The following ARL2BP variants were observed in gnomAD, a reference collection of about 807,000 sequenced individuals.
The protein encoded by ARL2BP is ADP-ribosylation factor-like protein 2-binding protein.
A neutral mutation model predicts 24.2 loss-of-function variants in ARL2BP; 19 were observed. The observed-to-expected ratio is 0.79, with a 90% CI of 0.55 to 1.15. The LOEUF (loss-of-function observed/expected upper bound fraction) is 1.15. Among genes scored for constraint, ARL2BP ranks in the 50% most tolerant of loss-of-function variants. The probability of loss-of-function intolerance (pLI) is 0.00; values close to 1 mark genes in which losing one functional copy is unlikely to be tolerated. For missense variants in ARL2BP, 160 were observed against 190.4 expected (o/e 0.84, Z 0.94); for synonymous variants, 56 against 70.5 (o/e 0.79, Z 1.03).
In ARL2BP at chr16:57,252,450, CCTT is replaced by C. The variant is rs2075411482; in HGVS notation, c.*187_*189del. The stretch of plus-strand genomic sequence containing the variant: ...TCCTGGACCTATTTATCCTGAAACA[CCTT>C]CTTGTATTCATTAACCATAGTACTC... On this transcript the variant is annotated 3_prime_UTR_variant, in exon 6 of 6. Transcript: ENST00000219204. The C allele has an allele frequency of 1.8e-6, 2 of 1,097,526 alleles. No individual in the cohort carries two copies. Among genetic ancestry groups the C allele is most frequent in the South Asian group, 1.5e-5 (1 of 64,782 alleles). 68.0% of individuals were successfully genotyped at this position (1,097,526 alleles called of 1,614,324 possible).
In ARL2BP at chr16:57,250,573, G is replaced by T. The variant is rs77995854; in HGVS notation, c.390+66G>T. On this transcript the variant is annotated intron_variant, in intron 5 of 5. Transcript: ENST00000219204. ...TTAGAAAATTCCAGGTAGAAATACC[G>T]AACATGAACCTCCCACGCTTCCCCC... is the stretch of plus-strand genomic sequence containing the variant. 1,238 of 1,303,350 alleles carry T rather than the reference G, an allele frequency of 9.5e-4. 11 individuals carry two copies. The African/African-American group carries it at 0.016, about 17-fold the overall frequency. 80.7% of individuals were successfully genotyped at this position (1,303,350 alleles called of 1,614,324 possible). A position where few individuals can be genotyped will look rare whatever the true frequency, so the allele number is the denominator to read the frequency against.
In ARL2BP at chr16:57,252,390, A is replaced by G; in HGVS notation, c.*123A>G. ...GTTATGTAACTCTTCATTTATGTTA[A>G]GTATTAATAGGTCAAAACCAAAATG... is the stretch of plus-strand genomic sequence containing the variant. On this transcript the variant is annotated 3_prime_UTR_variant, in exon 6 of 6. Transcript: ENST00000219204. The G allele has an allele frequency of 6.4e-7, 1 of 1,555,212 alleles. No individual in the cohort carries two copies. Among genetic ancestry groups the G allele is most frequent in the Non-Finnish European group, 8.7e-7 (1 of 1,152,434 alleles).
At chr16:57,252,052 C>G in intron 5 of ARL2BP, 114 bp from the exon 6 acceptor site, 4 of 787,074 alleles carry the variant, frequency 5.1e-6, no homozygotes, top group Non-Finnish European at 8.5e-6. Flanking sequence ...TGTTCCCTTC[C>G]TATGTACTCT....
rs2075413905 is a variant in ARL2BP at position 57,253,176 on chromosome 16, A to ATGTT, written c.*910_*913dup. 1 of 152,630 alleles carries ATGTT rather than the reference A, an allele frequency of 6.6e-6. No individual in the cohort carries two copies. Among genetic ancestry groups the ATGTT allele is most frequent in the Admixed American group, 6.5e-5 (1 of 15,284 alleles). 9.5% of individuals were successfully genotyped at this position (152,630 alleles called of 1,614,324 possible). On this transcript the variant is annotated 3_prime_UTR_variant, in exon 6 of 6. Transcript: ENST00000219204. ...ATAGACTAAAACATATTCCTATAGC[A>ATGTT]TGTTAGTGTGTTTGCATGTTTGCTG...
At chr16:57,246,055 C>T in intron 1 of ARL2BP, 25 bp from the exon 2 acceptor site, 2 of 1,612,126 alleles carry the variant, frequency 1.2e-6, no homozygotes, top group Non-Finnish European at 1.7e-6. Flanking sequence ...TTTGAAATAG[C>T]ACCTAATCCA....
At chr16:57,249,729 A>T in intron 3 of ARL2BP, 38 bp from the exon 4 acceptor site, 1 of 1,557,312 alleles carries the variant, frequency 6.4e-7, no homozygotes, top group South Asian at 1.1e-5. Flanking sequence ...TTGTTTTCCC[A>T]AAGTATGGTC....
chr16:57,248,520 T>C lies in ARL2BP; in HGVS notation c.101-17T>C. The C allele has an allele frequency of 2.0e-6, 3 of 1,485,036 alleles. No individual in the cohort carries two copies. Among genetic ancestry groups the C allele is most frequent in the Non-Finnish European group, 2.8e-6 (3 of 1,078,750 alleles). 92.0% of individuals were successfully genotyped at this position (1,485,036 alleles called of 1,614,324 possible). ...AATCTCCATTAAAAAGAATAAATTT[T>C]CCCCACTGTGGTTCAGATGACGAGT... On this transcript the variant is annotated splice_polypyrimidine_tract_variant and intron_variant, in intron 2 of 5. Coordinates refer to ENST00000219204, the MANE Select transcript of ARL2BP (RefSeq NM_012106.4).
intron 2 of ARL2BP, 150 bp downstream of exon 2, chr16:57,246,291 G>A (rs534208249): frequency 1.4e-6 from 1 of 735,636 alleles, no homozygotes; most frequent in African/African-American, 1.8e-5. Context: ...AAGGCTTACT[G>A]CAGTTTGTCT....
chr16:57,248,430 C>T (rs1303270303), intron 2 of ARL2BP, 107 bp from the exon 3 acceptor site: 1 of 555,362 alleles, frequency 1.8e-6, no homozygotes, highest in East Asian at 3.2e-5. Context: ...CTTCCAGAGA[C>T]TGATCATTGA....
intron 2 of ARL2BP, chr16:57,246,414 C>A: frequency 2.7e-6 from 1 of 375,026 alleles, no homozygotes; most frequent in Non-Finnish European, 4.8e-6. Flanking sequence ...CTTCGCAAAA[C>A]TATAGGAAAT....
rs549381507 is a variant in ARL2BP, at chr16:57,246,202, A to G, written c.100+61A>G. 6.2e-5 allele frequency: 92 copies of G among 1,484,900 alleles called. No individual in the cohort carries two copies. The South Asian group carries it at 1.0e-3, about 17-fold the overall frequency. 92.0% of individuals were successfully genotyped at this position (1,484,900 alleles called of 1,614,324 possible). ...TGTTTCTTTAAGGACATTGAAATCA[A>G]TTTGGAGAGTTAATTTTAAAAAGAG... On this transcript the variant is annotated intron_variant, in intron 2 of 5. Coordinates refer to ENST00000219204, the MANE Select transcript of ARL2BP (RefSeq NM_012106.4).
rs966102435 is a variant in ARL2BP at position 57,252,396 on chromosome 16, A to C, written c.*129A>C. 34 of 1,539,728 alleles carry C rather than the reference A, an allele frequency of 2.2e-5. No homozygotes were observed. Among genetic ancestry groups the C allele is most frequent in the Non-Finnish European group, 3.0e-5 (34 of 1,143,808 alleles). ...TAACTCTTCATTTATGTTAAGTATT[A>C]ATAGGTCAAAACCAAAATGACCTAA... On this transcript the variant is annotated 3_prime_UTR_variant, in exon 6 of 6. Transcript: ENST00000219204.
chr16:57,246,418 A>G, intron 2 of ARL2BP: 1 of 367,096 alleles, frequency 2.7e-6, no homozygotes, highest in Non-Finnish European at 4.9e-6. Flanking sequence ...GCAAAACTAT[A>G]GGAAATAATG....
chr16:57,246,234 T>A, intron 2 of ARL2BP, 93 bp downstream of exon 2: 1 of 1,248,970 alleles, frequency 8.0e-7, no homozygotes, highest in African/African-American at 1.5e-5. Flanking sequence ...AGAGAAAACA[T>A]CAAGCTGCCT....
intron 2 of ARL2BP, among the ~76,000 whole-genome samples, chr16:57,246,618 C>T (rs1021249278): frequency 6.6e-6 from 1 of 152,018 alleles, no homozygotes; most frequent in Non-Finnish European, 1.5e-5. Flanking sequence ...CTGGCTAACA[C>T]GGTGAAACCC....
intron 5 of ARL2BP, 84 bp downstream of exon 5, chr16:57,250,591 C>A: frequency 1.9e-6 from 2 of 1,044,840 alleles, no homozygotes; most frequent in Non-Finnish European, 2.9e-6. Context: ...ACCTCCCACG[C>A]TTCCCCCATC....
intron 5 of ARL2BP, 185 bp downstream of exon 5, chr16:57,250,692 C>T (rs1597953866): frequency 1.7e-6 from 1 of 598,856 alleles, no homozygotes; most frequent in Admixed American, 2.9e-5. Context: ...ATGAAACAAG[C>T]CCAGGTACCA....
intron 5 of ARL2BP, chr16:57,251,124 A>G (rs1357920800): frequency 6.6e-6 from 1 of 150,712 alleles, no homozygotes; most frequent in Non-Finnish European, 1.5e-5. Context: ...GAGACTGGGC[A>G]TGGTAACTCA....
chr16:57,249,697 G>A, intron 3 of ARL2BP, 70 bp from the exon 4 acceptor site: 2 of 1,244,314 alleles, frequency 1.6e-6, no homozygotes, highest in South Asian at 1.2e-5. Context: ...AAAGGGCTGG[G>A]CAGGCTTTCT....
Sources: allele counts gnomAD v4.1 joint callset (sites outside exome capture counted in the v4.1 genomes callset), GRCh38; gene constraint gnomAD v4.1.1; transcripts MANE v1.5; gene names NCBI Gene and HGNC (gene_info 2026-07-23, HGNC 2026-07-21).